CEP68: variants seen among roughly 807,000 people sequenced by gnomAD.
CEP68 encodes the protein centrosomal protein of 68 kDa.
A neutral mutation model predicts 55.3 loss-of-function variants in CEP68; 26 were observed. The observed-to-expected ratio is 0.47, with a 90% CI of 0.34 to 0.65. The LOEUF is 0.65. Ranked by LOEUF, CEP68 falls within the 30% of genes least tolerant of loss-of-function variation. CEP68 has a pLI of 0.01. For synonymous variants in CEP68, 402 were observed against 383.2 expected (o/e 1.05, Z -0.57); for missense variants, 957 against 946.7 (o/e 1.01, Z -0.14).
At position 65,064,082 on chromosome 2, in the gene CEP68, G is replaced by A. The variant is rs144101000; in HGVS notation, c.-46-5317G>A. On this transcript the variant is annotated intron_variant, in intron 1 of 6. Coordinates refer to ENST00000377990, the MANE Select transcript of CEP68 (RefSeq NM_015147.3). ...CTACCTTCATTCCGTCTTTACAGAC[G>A]TACAATTTCCTTGAAAATCATTGAA... 3.3e-4 allele frequency among the ~76,000 whole-genome samples: 51 copies of A among 152,246 alleles called. 1 individual carries two copies. The Middle Eastern group carries it at 0.027, about 81-fold the overall frequency.
Position 65,072,626 on chromosome 2 carries a change from T to C in CEP68, c.1530T>C (p.Thr510=), listed in dbSNP as rs2103778101. 1.2e-6 allele frequency: 2 copies of C among 1,614,024 alleles called. No homozygotes were observed. Among genetic ancestry groups the C allele is most frequent in the Admixed American group, 3.3e-5 (2 of 60,014 alleles). ...TTTCTACCTTGGTTACCCTGCCCAC[T>C]GGGGATATCAAAGGGCAGAGCCCCT... is the stretch of plus-strand genomic sequence containing the variant. The part of the protein sequence containing the change: ...GSISTLVTLP[T]GDIKGQSPLE... Residue 510 remains threonine, a synonymous_variant, in exon 3 of 7, where the codon ACT becomes ACC. Transcript: ENST00000377990.
chr2:65,057,838 G>A (rs1193479083), intron 1 of CEP68, among the ~76,000 whole-genome samples: 1 of 151,972 alleles, frequency 6.6e-6, no homozygotes, highest in African/African-American at 2.4e-5. Context: ...TTTTTTTAAT[G>A]GTGATGGGGG....
At chr2:65,059,789 G>A (rs1037922151) in intron 1 of CEP68, among the ~76,000 whole-genome samples, 2 of 152,294 alleles carry the variant, frequency 1.3e-5, no homozygotes, top group African/African-American at 2.4e-5. Context: ...CTCATTCCAA[G>A]GTTCTGGGGC....
At chr2:65,073,217 C>T in intron 3 of CEP68, 1 of 570,706 alleles carries the variant, frequency 1.8e-6, no homozygotes, top group Non-Finnish European at 3.2e-6. Context: ...TTATAATTAG[C>T]AAGGGCTTGA....
intron 1 of CEP68, among the ~76,000 whole-genome samples, chr2:65,063,122 T>A (rs1675993480): frequency 1.3e-5 from 2 of 152,248 alleles, no homozygotes; most frequent in Non-Finnish European, 2.9e-5. Context: ...GTATTTTTAC[T>A]GTAGGGCAAG....
intron 4 of CEP68, chr2:65,075,164 C>T (rs1676702014): frequency 6.6e-6 from 1 of 152,210 alleles, no homozygotes. Flanking sequence ...CACTATTAAT[C>T]CCAGCACTTT....
chr2:65,069,537 G>A lies in CEP68; in HGVS notation c.93G>A (p.Leu31=), dbSNP rs772349551. ...GAGGGAGCTGCAGGGAGCGGGAGCT[G>A]GACATCCCAGGGCCCATGAGTGGGG... ...YGRGSCRERE[L]DIPGPMSGEQ... is the part of the protein sequence containing the mutation. The change falls in exon 2 of 7, where the codon CTG becomes CTA. Residue 31 remains leucine, a synonymous_variant. Coordinates refer to ENST00000377990, the MANE Select transcript of CEP68 (RefSeq NM_015147.3). 6.2e-7 allele frequency: 1 copy of A among 1,601,502 alleles called. No homozygotes were observed. The highest frequency in any genetic ancestry group is 1.1e-5 in the South Asian group (1 of 90,134).
At chr2:65,056,701 A>T (rs1048355502) in intron 1 of CEP68, among the ~76,000 whole-genome samples, 173 bp downstream of exon 1, 2 of 151,966 alleles carry the variant, frequency 1.3e-5, no homozygotes, top group African/African-American at 4.8e-5. Context: ...GCAAGGGCAC[A>T]AAGGCTCCCT....
rs3732098 is a variant in CEP68, at chr2:65,083,394, A to G, written c.*5-245A>G. Among the ~76,000 whole-genome samples, 3,406 of 152,364 alleles carry G rather than the reference A, an allele frequency of 0.022. 212 individuals are homozygous for G. The East Asian group carries it at 0.23, about 10-fold the overall frequency. On this transcript the variant is annotated intron_variant, in intron 6 of 6. Transcript: ENST00000377990. The stretch of plus-strand genomic sequence containing the variant: ...GTCCACCACAGAGTTGCTACTGCCA[A>G]TGCTTTTCATAATTCTGCAATTGGA...
chr2:65,069,410 C>T lies in CEP68; in HGVS notation c.-35C>T. On this transcript the variant is annotated 5_prime_UTR_variant, in exon 2 of 7. Coordinates refer to ENST00000377990, the MANE Select transcript of CEP68 (RefSeq NM_015147.3). ...CCCCTGTTTTGTAGGAAGCTGAAGTCTTCAGCAGAACCCTGACCTAGGTAG... is the reference window on the plus strand; with the variant it reads ...CCCCTGTTTTGTAGGAAGCTGAAGTTTTCAGCAGAACCCTGACCTAGGTAG... 1 of 1,460,998 alleles carries T rather than the reference C, an allele frequency of 6.8e-7. No individual in the cohort carries two copies. The highest frequency in any genetic ancestry group is 9.1e-7 in the Non-Finnish European group (1 of 1,094,024). 90.5% of individuals were successfully genotyped at this position (1,460,998 alleles called of 1,614,324 possible).
At chr2:65,082,800 T>A in intron 6 of CEP68, 91 bp downstream of exon 6, 1 of 1,092,756 alleles carries the variant, frequency 9.2e-7, no homozygotes, top group Non-Finnish European at 1.3e-6. Flanking sequence ...CAAGAACTAT[T>A]ATTTAAACAA....
chr2:65,060,704 C>T (rs760124407), intron 1 of CEP68, among the ~76,000 whole-genome samples: 13 of 152,204 alleles, frequency 8.5e-5, no homozygotes, highest in Non-Finnish European at 1.6e-4. Context: ...CTGCTTTGCT[C>T]TTTAGTGAGA....
chr2:65,071,728 A>C lies in CEP68; in HGVS notation c.632A>C (p.Gln211Pro). Reference sequence around the variant, plus strand: ...ACAGGCAGCAGTCTCCAGGGTCACCAGGAGAGGGCGGAGCCTCGTGGTGGT... The same window carrying C: ...ACAGGCAGCAGTCTCCAGGGTCACCCGGAGAGGGCGGAGCCTCGTGGTGGT... ...SSTGSSLQGH[Q>P]ERAEPRGGSL... Residue 211 changes from glutamine to proline, a missense_variant, in exon 3 of 7, where the codon CAG (glutamine) becomes CCG (proline). Physicochemically the swap from Gln to Pro is moderately conservative, Grantham distance 76 (BLOSUM62 -1). Transcript: ENST00000377990. 1 of 1,614,042 alleles carries C rather than the reference A, an allele frequency of 6.2e-7. No individual in the cohort carries two copies. Among genetic ancestry groups the C allele is most frequent in the Non-Finnish European group, 8.5e-7 (1 of 1,180,020 alleles).
chr2:65,066,933 C>CAAA (rs1024556121), intron 1 of CEP68, among the ~76,000 whole-genome samples: 1 of 129,444 alleles, frequency 7.7e-6, no homozygotes, highest in African/African-American at 2.9e-5. Context: ...GACTCTGTCT[C>CAAA]AAAAAAAAAA....
intron 2 of CEP68, 136 bp from the exon 3 acceptor site, chr2:65,071,318 C>G (rs549114645): frequency 1.4e-6 from 1 of 702,758 alleles, no homozygotes; most frequent in Non-Finnish European, 2.4e-6. Flanking sequence ...GTTCTTGCCT[C>G]AGGCAGCAGA....
intron 1 of CEP68, among the ~76,000 whole-genome samples, chr2:65,066,046 G>A (rs1212931368): frequency 6.6e-6 from 1 of 151,954 alleles, no homozygotes; most frequent in African/African-American, 2.4e-5. Context: ...CCCAGCAGCT[G>A]AGGGTGTAAG....
At position 65,071,636 on chromosome 2, in the gene CEP68, G is replaced by T; in HGVS notation, c.540G>T (p.Gln180His). 1 of 1,614,182 alleles carries T rather than the reference G, an allele frequency of 6.2e-7. No individual in the cohort carries two copies. Among genetic ancestry groups the T allele is most frequent in the East Asian group, 2.2e-5 (1 of 44,870 alleles). Residue 180 changes from glutamine (Q) to histidine (H), a missense_variant, in exon 3 of 7, where the codon CAG (glutamine) becomes CAT (histidine). By Grantham distance (24) the Gln-to-His change is conservative. Coordinates refer to ENST00000377990, the MANE Select transcript of CEP68 (RefSeq NM_015147.3). ...GCTCAGGTCTCTCTTGCCTGTCACA[G>T]TGGAAGTCCGTGCTGAGCCCAGGTT... ...PHSSGLSCLS[Q>H]WKSVLSPGSA...
At chr2:65,080,411 C>T (rs1006051604) in intron 5 of CEP68, 43 of 985,188 alleles carry the variant, frequency 4.4e-5, no homozygotes, top group East Asian at 1.1e-4. Flanking sequence ...ACTTTTCTTC[C>T]GCCAGGAGCA....
intron 1 of CEP68, among the ~76,000 whole-genome samples, chr2:65,066,745 A>AATATATATATATATAT (rs1553384179): frequency 1.7e-5 from 1 of 58,408 alleles, no homozygotes; most frequent in Non-Finnish European, 3.1e-5. Context: ...AAAAAAAAAA[A>AATATATATATATATAT]ATATATATAT....
Sources: gnomAD v4.1 joint callset for allele counts (sites outside exome capture counted in the v4.1 genomes callset) on GRCh38, gnomAD v4.1.1 for gene constraint, MANE v1.5 for transcripts, NCBI Gene and HGNC (gene_info 2026-07-23, HGNC 2026-07-21) for gene names.